Variants in EPHA3 observed in about 807,000 individuals in gnomAD.
EPHA3 encodes the protein EPH receptor A3.
Under a neutral mutation model 107.1 loss-of-function variants are expected in EPHA3, and 42 were observed. The ratio of observed to expected loss-of-function variants is 0.39; its 90% CI spans 0.31 to 0.51. EPHA3 has a LOEUF of 0.51. EPHA3 is among the 20% of genes least tolerant of loss of function. The pLI is 0.78. For missense variants in EPHA3, 1,183 were observed against 1,211.2 expected (o/e 0.98, Z 0.35); for synonymous variants, 461 against 424.8 (o/e 1.09, Z -1.05).
intron 3 of EPHA3, among the ~76,000 whole-genome samples, chr3:89,235,996 G>A (rs1447855573): frequency 1.3e-5 from 2 of 151,940 alleles, no homozygotes; most frequent in African/African-American, 4.8e-5. Context: ...TATCATTAGT[G>A]GTCAGTGACA....
chr3:89,181,304 A>T (rs75229451), intron 2 of EPHA3, among the ~76,000 whole-genome samples: 4,925 of 152,080 alleles, frequency 0.032, 104 homozygotes, highest in Middle Eastern at 0.078. Context: ...AATATGACAG[A>T]TATATTAAAT....
At chr3:89,404,620 C>A (rs1709022839) in intron 7 of EPHA3, among the ~76,000 whole-genome samples, 1 of 152,152 alleles carries the variant, frequency 6.6e-6, no homozygotes, top group Non-Finnish European at 1.5e-5. Flanking sequence ...CACTATTAGT[C>A]ATTCACATAT....
chr3:89,475,812 G>A (rs1710494032), intron 16 of EPHA3, among the ~76,000 whole-genome samples: 1 of 151,220 alleles, frequency 6.6e-6, no homozygotes, highest in South Asian at 2.1e-4. Context: ...TCAGTCTGGA[G>A]CTGCTCTTTA....
intron 3 of EPHA3, among the ~76,000 whole-genome samples, chr3:89,327,956 C>T (rs534345977): frequency 1.1e-4 from 16 of 151,690 alleles, no homozygotes; most frequent in East Asian, 9.8e-4. Flanking sequence ...AAATAAGCTG[C>T]GCATGGTGGC....
intron 8 of EPHA3, 138 bp from the exon 9 acceptor site, chr3:89,407,929 T>C: frequency 2.3e-6 from 2 of 859,228 alleles, no homozygotes; most frequent in Non-Finnish European, 3.6e-6. Flanking sequence ...TTTGAAAATA[T>C]GAAGTTATTA....
chr3:89,208,686 G>A (rs746506380), intron 2 of EPHA3, among the ~76,000 whole-genome samples: 38 of 151,844 alleles, frequency 2.5e-4, no homozygotes, highest in African/African-American at 5.1e-4. Flanking sequence ...CACATCTTTC[G>A]TAAACAATAA....
intron 3 of EPHA3, among the ~76,000 whole-genome samples, chr3:89,262,569 C>T (rs934931128): frequency 1.6e-4 from 24 of 152,176 alleles, no homozygotes; most frequent in Non-Finnish European, 3.4e-4. Context: ...TCAATATGTC[C>T]TCATCTTAAT....
At chr3:89,253,335 G>A (rs1705206979) in intron 3 of EPHA3, among the ~76,000 whole-genome samples, 1 of 151,920 alleles carries the variant, frequency 6.6e-6, no homozygotes. Context: ...GAAAAGAATG[G>A]ATTTATGAGA....
chr3:89,427,349 C>T (rs1709478439), intron 11 of EPHA3, among the ~76,000 whole-genome samples: 1 of 151,632 alleles, frequency 6.6e-6, no homozygotes, highest in Admixed American at 6.6e-5. Flanking sequence ...GTTTTTTACA[C>T]ATGAAAGGAA....
intron 3 of EPHA3, among the ~76,000 whole-genome samples, chr3:89,267,140 G>A (rs1294219613): frequency 6.6e-6 from 1 of 152,044 alleles, no homozygotes; most frequent in Admixed American, 6.6e-5. Context: ...AAGGAAATAG[G>A]ATAAAACATG....
chr3:89,128,657 A>G (rs1272689654), intron 2 of EPHA3, among the ~76,000 whole-genome samples: 3 of 150,500 alleles, frequency 2.0e-5, no homozygotes, highest in African/African-American at 7.3e-5. Context: ...GGTATACTGT[A>G]TACCATATAT....
intron 3 of EPHA3, among the ~76,000 whole-genome samples, chr3:89,318,396 T>C (rs1263958016): frequency 6.6e-6 from 1 of 151,876 alleles, no homozygotes; most frequent in African/African-American, 2.4e-5. Flanking sequence ...ATTTTGGGTG[T>C]GGGGCATGGG....
intron 5 of EPHA3, among the ~76,000 whole-genome samples, chr3:89,377,256 T>G (rs1708419635): frequency 6.6e-6 from 1 of 152,150 alleles, no homozygotes; most frequent in South Asian, 2.1e-4. Context: ...TTATATTATG[T>G]GTAATTGCCT....
chr3:89,275,524 T>C (rs1009391861), intron 3 of EPHA3, among the ~76,000 whole-genome samples: 3 of 152,104 alleles, frequency 2.0e-5, no homozygotes, highest in African/African-American at 7.2e-5. Flanking sequence ...ATCTTATCTC[T>C]GTCTTGGACA....
chr3:89,286,118 A>ATGTG (rs1373393002), intron 3 of EPHA3, among the ~76,000 whole-genome samples: 2 of 99,762 alleles, frequency 2.0e-5, no homozygotes, highest in Middle Eastern at 4.3e-3. Flanking sequence ...ATCAATTTCT[A>ATGTG]CGTGTGTGTG....
At chr3:89,410,423 C>T (rs1709137461) in intron 9 of EPHA3, among the ~76,000 whole-genome samples, 1 of 151,890 alleles carries the variant, frequency 6.6e-6, no homozygotes, top group African/African-American at 2.4e-5. Context: ...AGACATTGTT[C>T]CTAACAACTC....
intron 3 of EPHA3, among the ~76,000 whole-genome samples, chr3:89,236,887 A>G (rs1704778182): frequency 6.6e-6 from 1 of 152,132 alleles, no homozygotes; most frequent in Non-Finnish European, 1.5e-5. Flanking sequence ...GACAGGGATG[A>G]AGTGAGGAAG....
At chr3:89,317,903 G>T in intron 3 of EPHA3, among the ~76,000 whole-genome samples, 1 of 151,754 alleles carries the variant, frequency 6.6e-6, no homozygotes, top group East Asian at 1.9e-4. Context: ...CTTAAAAAGA[G>T]ATTTGATAAG....
intron 2 of EPHA3, among the ~76,000 whole-genome samples, chr3:89,179,438 C>G (rs570247181): frequency 6.6e-6 from 1 of 151,980 alleles, no homozygotes; most frequent in Non-Finnish European, 1.5e-5. Flanking sequence ...ACTCCATCAT[C>G]TAATAAGAAA....
Sources: gnomAD v4.1 joint callset for allele counts (sites outside exome capture counted in the v4.1 genomes callset) on GRCh38, gnomAD v4.1.1 for gene constraint, MANE v1.5 for transcripts, NCBI Gene and HGNC (gene_info 2026-07-23, HGNC 2026-07-21) for gene names.